KLHL1: variants seen among roughly 807,000 people sequenced by gnomAD.
KLHL1 encodes the protein kelch-like protein 1.
In KLHL1, 47 loss-of-function variants were observed where a neutral mutation model predicts 77.7. The ratio of observed to expected loss-of-function variants is 0.60; its 90% CI spans 0.48 to 0.77. KLHL1 has a LOEUF of 0.77. KLHL1 is among the 30% of genes least tolerant of loss of function. The pLI, the probability that KLHL1 is intolerant of heterozygous loss-of-function variation, is 0.00. For synonymous variants in KLHL1, 360 were observed against 325.2 expected (o/e 1.11, Z -1.15); for missense variants, 925 against 910.8 (o/e 1.02, Z -0.20).
At chr13:69,707,856 A>C in intron 9 of KLHL1, 60 bp from the exon 10 acceptor site, 1 of 1,408,048 alleles carries the variant, frequency 7.1e-7, no homozygotes, top group African/African-American at 1.5e-5. Flanking sequence ...TTTACTATAA[A>C]AATTTTACTT....
intron 4 of KLHL1, among the ~76,000 whole-genome samples, chr13:69,893,158 A>C (rs1881487757): frequency 6.6e-6 from 1 of 151,968 alleles, no homozygotes; most frequent in Non-Finnish European, 1.5e-5. Flanking sequence ...CTAAAATGGA[A>C]ACTAATGAAA....
At chr13:69,714,844 T>C (rs948381604) in intron 9 of KLHL1, among the ~76,000 whole-genome samples, 3 of 152,118 alleles carry the variant, frequency 2.0e-5, no homozygotes, top group Non-Finnish European at 4.4e-5. Flanking sequence ...TCCACAGTTC[T>C]CAGCCTCCAA....
At chr13:69,932,827 T>C (rs996372518) in intron 4 of KLHL1, among the ~76,000 whole-genome samples, 22 of 151,894 alleles carry the variant, frequency 1.4e-4, no homozygotes, top group African/African-American at 4.6e-4. Flanking sequence ...GTAACACGAG[T>C]ACAAATTGCC....
chr13:69,988,697 T>C (rs143891928), intron 1 of KLHL1, among the ~76,000 whole-genome samples: 116 of 152,294 alleles, frequency 7.6e-4, no homozygotes, highest in Non-Finnish European at 1.3e-3. Flanking sequence ...TTGATTAGTA[T>C]TTCTCTAATG....
intron 7 of KLHL1, among the ~76,000 whole-genome samples, chr13:69,772,999 T>A (rs9572271): frequency 0.36 from 55,323 of 151,628 alleles, 10,314 homozygotes; most frequent in African/African-American, 0.43. Flanking sequence ...TTCAGGAAGA[T>A]CCGAGTGAGA....
chr13:69,746,499 A>G (rs917792612), intron 7 of KLHL1, among the ~76,000 whole-genome samples: 1 of 151,998 alleles, frequency 6.6e-6, no homozygotes, highest in Non-Finnish European at 1.5e-5. Context: ...TTTCGGTTAC[A>G]ATGTGCTAAT....
intron 1 of KLHL1, among the ~76,000 whole-genome samples, chr13:70,030,122 T>G (rs1193887093): frequency 6.6e-6 from 1 of 152,130 alleles, no homozygotes; most frequent in Non-Finnish European, 1.5e-5. Flanking sequence ...CGAAGAGACT[T>G]AGACTCCCAC....
intron 1 of KLHL1, among the ~76,000 whole-genome samples, chr13:69,976,166 AT>A (rs1358992105): frequency 6.6e-6 from 1 of 152,030 alleles, no homozygotes; most frequent in Non-Finnish European, 1.5e-5. Context: ...TTCATTTGAT[AT>A]TGAGGAAGAT....
At chr13:69,815,194 C>T (rs1404569993) in intron 6 of KLHL1, among the ~76,000 whole-genome samples, 1 of 152,152 alleles carries the variant, frequency 6.6e-6, no homozygotes, top group Admixed American at 6.5e-5. Context: ...CAAGCAATCT[C>T]ATTACTGGGT....
intron 5 of KLHL1, among the ~76,000 whole-genome samples, chr13:69,855,742 A>T (rs1879886274): frequency 6.6e-6 from 1 of 151,178 alleles, no homozygotes. Flanking sequence ...CCGTGAGTCA[A>T]TTAAACCTCT....
chr13:69,991,078 C>T (rs1194683406), intron 1 of KLHL1, among the ~76,000 whole-genome samples: 2 of 151,862 alleles, frequency 1.3e-5, no homozygotes, highest in African/African-American at 4.8e-5. Flanking sequence ...GAAATTAAAA[C>T]AGAAATGAAG....
At position 69,954,600 on chromosome 13, in the gene KLHL1, C is replaced by A. The variant is rs181677570; in HGVS notation, c.817+6708G>T. On this transcript the variant is annotated intron_variant, in intron 3 of 10. Coordinates refer to ENST00000377844, the MANE Select transcript of KLHL1 (RefSeq NM_020866.3). ...GACTTACACTGTGGTAGATACATAA[C>A]CCTTACTCCTAAATATTAAAAGTCA... Among the ~76,000 whole-genome samples, 141 of 151,376 alleles carry A rather than the reference C, an allele frequency of 9.3e-4. 4 individuals carry two copies. In the South Asian group the frequency reaches 0.019, roughly 20 times the overall value.
intron 2 of KLHL1, among the ~76,000 whole-genome samples, chr13:69,964,627 A>G (rs939197626): frequency 1.3e-5 from 2 of 152,126 alleles, no homozygotes; most frequent in African/African-American, 4.8e-5. Flanking sequence ...TATATGGTTC[A>G]ACAACTGAGA....
At chr13:69,758,558 TA>T (rs1874876161) in intron 7 of KLHL1, among the ~76,000 whole-genome samples, 1 of 152,100 alleles carries the variant, frequency 6.6e-6, no homozygotes. Context: ...TCTTTCTTTA[TA>T]AAGTCTGTAT....
intron 1 of KLHL1, among the ~76,000 whole-genome samples, chr13:70,066,536 T>A (rs1887011081): frequency 6.6e-6 from 1 of 152,222 alleles, no homozygotes; most frequent in African/African-American, 2.4e-5. Flanking sequence ...TAAACACTGC[T>A]TTGGGAATCA....
intron 1 of KLHL1, among the ~76,000 whole-genome samples, chr13:70,004,692 TA>T (rs1299655716): frequency 6.6e-6 from 1 of 151,902 alleles, no homozygotes; most frequent in Non-Finnish European, 1.5e-5. Flanking sequence ...ATTTCTGCAT[TA>T]AAAATACTTT....
chr13:69,920,388 A>G (rs1015094971), intron 4 of KLHL1, among the ~76,000 whole-genome samples: 3 of 152,164 alleles, frequency 2.0e-5, no homozygotes, highest in African/African-American at 7.2e-5. Flanking sequence ...CTATTTTAAG[A>G]AATATTTAGG....
chr13:69,758,331 A>G (rs909160731), intron 7 of KLHL1, among the ~76,000 whole-genome samples: 3 of 152,096 alleles, frequency 2.0e-5, no homozygotes, highest in African/African-American at 7.2e-5. Context: ...TCAGCTTTTG[A>G]CCACACAAGA....
Position 69,961,296 on chromosome 13 carries a change from A to T in KLHL1, c.817+12T>A. 6.2e-7 allele frequency: 1 copy of T among 1,602,352 alleles called. No individual in the cohort carries two copies. ...AAGACATCAGAATGATGTTATAATT[A>T]TTTTGCCATACCTGTATATGCAAAT... is the stretch of plus-strand genomic sequence containing the variant. On this transcript the variant is annotated intron_variant, in intron 3 of 10. Transcript: ENST00000377844.
Sources: gnomAD v4.1 joint callset for allele counts (sites outside exome capture counted in the v4.1 genomes callset) on GRCh38, gnomAD v4.1.1 for gene constraint, MANE v1.5 for transcripts, NCBI Gene and HGNC (gene_info 2026-07-23, HGNC 2026-07-21) for gene names.